PAX5: variants seen among roughly 807,000 people sequenced by gnomAD.
PAX5 encodes paired box 5.
Under a neutral mutation model 43.7 loss-of-function variants are expected in PAX5, and 9 were observed. The observed-to-expected ratio is 0.21, with a 90% CI of 0.12 to 0.36. PAX5 has a LOEUF of 0.36. PAX5 is among the 10% of genes least tolerant of loss of function. The pLI is 1.00. For synonymous variants in PAX5, 228 were observed against 214.3 expected, an observed-to-expected ratio of 1.06 and a Z score of -0.56; for missense variants, 383 against 532.7, an observed-to-expected ratio of 0.72 and a Z score of 2.77.
chr9:36,900,193 G>A (rs774384257), intron 7 of PAX5, among the ~76,000 whole-genome samples: 1 of 152,236 alleles, frequency 6.6e-6, no homozygotes, highest in African/African-American at 2.4e-5. Context: ...CCTCCCTTGC[G>A]TGAGGGTGCA....
At chr9:36,960,745 C>T (rs1833901378) in intron 6 of PAX5, among the ~76,000 whole-genome samples, 1 of 152,196 alleles carries the variant, frequency 6.6e-6, no homozygotes, top group Admixed American at 6.5e-5. Context: ...CCTGCTCCTC[C>T]ACCCCATTGT....
intron 6 of PAX5, among the ~76,000 whole-genome samples, chr9:36,956,633 G>C (rs1047699781): frequency 1.3e-5 from 2 of 152,180 alleles, no homozygotes; most frequent in African/African-American, 4.8e-5. Context: ...CTGGGGAGCT[G>C]TCCTTGTGCT....
At chr9:36,843,085 T>C (rs1362427975) in intron 9 of PAX5, among the ~76,000 whole-genome samples, 1 of 151,874 alleles carries the variant, frequency 6.6e-6, no homozygotes, top group East Asian at 1.9e-4. Context: ...TGTGCCTGTG[T>C]GTGTGTGCGT....
At chr9:36,915,760 T>C (rs1829686049) in intron 7 of PAX5, among the ~76,000 whole-genome samples, 1 of 152,126 alleles carries the variant, frequency 6.6e-6, no homozygotes, top group Non-Finnish European at 1.5e-5. Flanking sequence ...AAAAGACTTT[T>C]CCCACTCTAA....
At chr9:36,933,273 A>G (rs1831273772) in intron 6 of PAX5, among the ~76,000 whole-genome samples, 1 of 152,228 alleles carries the variant, frequency 6.6e-6, no homozygotes. Context: ...TACCTGTGAA[A>G]TAACGAGAGA....
intron 8 of PAX5, among the ~76,000 whole-genome samples, chr9:36,877,087 A>T (rs1054217386): frequency 5.3e-5 from 8 of 152,218 alleles, no homozygotes; most frequent in Non-Finnish European, 1.0e-4. Flanking sequence ...CTGTAATCCC[A>T]ACACTTTGGG....
chr9:36,901,204 C>G (rs1436329114), intron 7 of PAX5, among the ~76,000 whole-genome samples: 2 of 152,138 alleles, frequency 1.3e-5, no homozygotes, highest in Admixed American at 6.5e-5. Flanking sequence ...GCCCCCAGGT[C>G]TTTGGCAGCC....
chr9:36,979,282 C>A (rs894590801), intron 5 of PAX5, among the ~76,000 whole-genome samples: 3 of 152,210 alleles, frequency 2.0e-5, no homozygotes, highest in Non-Finnish European at 1.5e-5. Flanking sequence ...CCACCAAACA[C>A]ACACACAGGA....
chr9:36,976,881 A>G (rs1835479318), intron 5 of PAX5, among the ~76,000 whole-genome samples: 2 of 152,182 alleles, frequency 1.3e-5, no homozygotes, highest in Non-Finnish European at 2.9e-5. Context: ...GGGATCTGTC[A>G]GGGGCCAGAC....
intron 8 of PAX5, among the ~76,000 whole-genome samples, chr9:36,847,635 G>T (rs111427497): frequency 2.6e-5 from 4 of 152,348 alleles, no homozygotes; most frequent in African/African-American, 9.6e-5. Flanking sequence ...GGCAGCTGTT[G>T]GCAGCTGTGG....
chr9:36,963,393 G>A (rs974706981), intron 6 of PAX5, among the ~76,000 whole-genome samples: 1 of 151,962 alleles, frequency 6.6e-6, no homozygotes, highest in Middle Eastern at 3.4e-3. Flanking sequence ...ATCCAACACT[G>A]CCCCCTCAGT....
chr9:36,881,978 TG>T, intron 8 of PAX5, 25 bp downstream of exon 8: 1 of 1,562,016 alleles, frequency 6.4e-7, no homozygotes, highest in African/African-American at 1.4e-5. Context: ...CTGCCTGCTG[TG>T]GAGACGCCGA....
chr9:36,848,528 C>T (rs193027251), intron 8 of PAX5, among the ~76,000 whole-genome samples: 3 of 152,252 alleles, frequency 2.0e-5, no homozygotes, highest in East Asian at 1.9e-4. Context: ...GGGCTGCAGC[C>T]GCCCGGCTCC....
chr9:36,835,120 TC>T lies in PAX5; in HGVS notation c.*5439del, dbSNP rs1300175450. 2 of 233,236 alleles carry T rather than the reference TC, an allele frequency of 8.6e-6. No individual in the cohort carries two copies. Among genetic ancestry groups the T allele is most frequent in the Non-Finnish European group, 1.7e-5 (2 of 118,092 alleles). The allele number at this position is 233,236 out of a possible 1,614,324, so 14.4% of individuals were successfully genotyped here. On this transcript the variant is annotated 3_prime_UTR_variant, in exon 10 of 10. Transcript: ENST00000358127. ...TATTAATAGGTAAGCAGCTGCATTTTCTCCTTGTGTTGCTCAGGGGTCTAAG... is the reference window on the plus strand; with the variant it reads ...TATTAATAGGTAAGCAGCTGCATTTTTCCTTGTGTTGCTCAGGGGTCTAAG...
intron 9 of PAX5, among the ~76,000 whole-genome samples, chr9:36,845,580 C>T (rs1443497153): frequency 6.6e-6 from 1 of 152,204 alleles, no homozygotes; most frequent in East Asian, 1.9e-4. Context: ...ACCTGCAGCA[C>T]TAATGGGAAT....
In PAX5 at chr9:36,875,857, C is replaced by T. The variant is rs949557750; in HGVS notation, c.1012+6147G>A. ...AAAGCAAATCATTCCCTCCTAGCAC[C>T]TCCAGAAGAAACAAGCCCTGCAGAC... is the stretch of plus-strand genomic sequence containing the variant. On this transcript the variant is annotated intron_variant, in intron 8 of 9. Coordinates refer to ENST00000358127, the MANE Select transcript of PAX5 (RefSeq NM_016734.3). 2.2e-4 allele frequency among the ~76,000 whole-genome samples: 33 copies of T among 152,324 alleles called. No individual in the cohort carries two copies. In the East Asian group the frequency reaches 6.2e-3, roughly 28 times the overall value.
intron 6 of PAX5, among the ~76,000 whole-genome samples, chr9:36,943,529 T>TAC (rs1554668821): frequency 0.063 from 9,140 of 145,848 alleles, 317 homozygotes; most frequent in South Asian, 0.13. Context: ...TAGTTCAACA[T>TAC]ACACACACAC....
chr9:36,951,234 TA>T (rs1832983636), intron 6 of PAX5, among the ~76,000 whole-genome samples: 1 of 152,220 alleles, frequency 6.6e-6, no homozygotes, highest in African/African-American at 2.4e-5. Flanking sequence ...TCTATTCTAT[TA>T]AGCTTGTTAA....
chr9:36,937,463 G>A (rs1276255610), intron 6 of PAX5, among the ~76,000 whole-genome samples: 1 of 152,154 alleles, frequency 6.6e-6, no homozygotes, highest in South Asian at 2.1e-4. Context: ...TGCAGAGCCG[G>A]GGGTTAAACC....
Sources: gnomAD v4.1 joint callset for allele counts (sites outside exome capture counted in the v4.1 genomes callset) on GRCh38, gnomAD v4.1.1 for gene constraint, MANE v1.5 for transcripts, NCBI Gene and HGNC (gene_info 2026-07-23, HGNC 2026-07-21) for gene names.